KCNMB2: variants seen among roughly 807,000 people sequenced by gnomAD.
KCNMB2 encodes calcium-activated potassium channel subunit beta-2.
In KCNMB2, 9 loss-of-function variants were observed where a neutral mutation model predicts 24.5. The observed-to-expected ratio is 0.37, with a 90% CI of 0.22 to 0.64. The LOEUF (loss-of-function observed/expected upper bound fraction) is 0.64, where lower values mean the gene tolerates loss of function less well. Among genes scored for constraint, KCNMB2 ranks in the 30% least tolerant of loss-of-function variants. The pLI is 0.63. For missense variants in KCNMB2, 226 were observed against 284.3 expected (o/e 0.79, Z 1.47); for synonymous variants, 109 against 104.4 (o/e 1.04, Z -0.27).
chr3:178,568,854 TG>T (rs1716655239), intron 1 of KCNMB2, among the ~76,000 whole-genome samples: 1 of 80,684 alleles, frequency 1.2e-5, no homozygotes, highest in African/African-American at 5.9e-5. Flanking sequence ...GATAGATAGA[TG>T]ATAGATAGAT....
chr3:178,676,623 A>G (rs1322627572), intron 1 of KCNMB2, among the ~76,000 whole-genome samples: 2 of 152,162 alleles, frequency 1.3e-5, no homozygotes, highest in Non-Finnish European at 2.9e-5. Context: ...ATTGTCACCC[A>G]GGTAACGATA....
intron 1 of KCNMB2, among the ~76,000 whole-genome samples, chr3:178,773,091 T>C (rs1712440113): frequency 6.6e-6 from 1 of 152,152 alleles, no homozygotes; most frequent in South Asian, 2.1e-4. Context: ...AAACCTGGCA[T>C]GGACGAGGGC....
intron 1 of KCNMB2, among the ~76,000 whole-genome samples, chr3:178,677,264 T>C (rs1277735922): frequency 6.6e-6 from 1 of 152,106 alleles, no homozygotes; most frequent in Non-Finnish European, 1.5e-5. Flanking sequence ...CCTCCTAACC[T>C]CTACATATTT....
intron 4 of KCNMB2, among the ~76,000 whole-genome samples, chr3:178,839,490 A>G (rs2108478308): frequency 1.3e-5 from 2 of 152,328 alleles, no homozygotes; most frequent in Middle Eastern, 6.8e-3. Flanking sequence ...ATCCAAAGAT[A>G]CAAGTGTGTA....
intron 1 of KCNMB2, among the ~76,000 whole-genome samples, chr3:178,737,943 T>G (rs993406249): frequency 6.6e-6 from 1 of 152,194 alleles, no homozygotes; most frequent in Non-Finnish European, 1.5e-5. Context: ...TAGCAAATAC[T>G]CAACTAGGTA....
intron 1 of KCNMB2, among the ~76,000 whole-genome samples, chr3:178,577,795 T>G (rs916032674): frequency 5.3e-5 from 8 of 151,882 alleles, no homozygotes; most frequent in African/African-American, 1.9e-4. Context: ...AAGATCAACT[T>G]GATGAAATAA....
At chr3:178,840,506 A>T (rs898972421) in intron 4 of KCNMB2, among the ~76,000 whole-genome samples, 2 of 152,220 alleles carry the variant, frequency 1.3e-5, no homozygotes, top group Non-Finnish European at 2.9e-5. Context: ...GAGGTTCTCC[A>T]TGAGGTCTCC....
At chr3:178,669,080 G>C (rs568066997) in intron 1 of KCNMB2, among the ~76,000 whole-genome samples, 38 of 152,264 alleles carry the variant, frequency 2.5e-4, no homozygotes, top group African/African-American at 8.9e-4. Flanking sequence ...ATTAAAGCCA[G>C]GACAAAAATA....
chr3:178,795,772 A>G (rs182146272), intron 1 of KCNMB2, among the ~76,000 whole-genome samples: 1 of 152,352 alleles, frequency 6.6e-6, no homozygotes, highest in East Asian at 1.9e-4. Context: ...TAGAAAACTC[A>G]TACACATAAA....
chr3:178,734,068 G>A (rs1356437361), intron 1 of KCNMB2, among the ~76,000 whole-genome samples: 3 of 151,322 alleles, frequency 2.0e-5, no homozygotes, highest in East Asian at 1.9e-4. Flanking sequence ...AGGTTGAGTA[G>A]CCCTGTGTTT....
Position 178,551,038 on chromosome 3 carries a change from A to T in KCNMB2, c.-68+14327A>T, listed in dbSNP as rs115568689. Among the ~76,000 whole-genome samples, 869 of 152,348 alleles carry T rather than the reference A, an allele frequency of 5.7e-3. 11 individuals carry two copies. The highest frequency in any genetic ancestry group is 0.02 in the African/African-American group (834 of 41,576). On this transcript the variant is annotated intron_variant, in intron 1 of 4. Transcript: ENST00000452583. ...GAGACCATTTTCCACAAAGAGGATA[A>T]GCACCAAAATCAGGTTGCAATGACA...
chr3:178,797,247 G>A (rs927544609), intron 1 of KCNMB2, among the ~76,000 whole-genome samples: 1 of 151,972 alleles, frequency 6.6e-6, no homozygotes, highest in Non-Finnish European at 1.5e-5. Flanking sequence ...ATAATAAAAA[G>A]CTTCCTGCAA....
intron 1 of KCNMB2, among the ~76,000 whole-genome samples, chr3:178,738,272 T>C (rs1281117639): frequency 6.6e-6 from 1 of 152,074 alleles, no homozygotes; most frequent in East Asian, 1.9e-4. Flanking sequence ...TTCCCACCCT[T>C]AGTCCCAGCC....
At chr3:178,697,481 T>C (rs2108335916) in intron 1 of KCNMB2, among the ~76,000 whole-genome samples, 1 of 152,350 alleles carries the variant, frequency 6.6e-6, no homozygotes, top group African/African-American at 2.4e-5. Context: ...ACACATTTCT[T>C]TTAAACCTAT....
rs79717667 is a variant in KCNMB2 at position 178,572,583 on chromosome 3, A to T, written c.-68+35872A>T. On this transcript the variant is annotated intron_variant, in intron 1 of 4. Transcript: ENST00000452583. ...GCTATCTCTACTACCTTTGAAAAAGACTTGCAATTTTGTGCATTTTGGTTG... is the reference window on the plus strand; with the variant it reads ...GCTATCTCTACTACCTTTGAAAAAGTCTTGCAATTTTGTGCATTTTGGTTG... Among the ~76,000 whole-genome samples, 219 of 152,362 alleles carry T rather than the reference A, an allele frequency of 1.4e-3. 1 individual carries two copies. Among genetic ancestry groups the T allele is most frequent in the African/African-American group, 4.9e-3 (203 of 41,592 alleles).
At chr3:178,617,613 G>C (rs1400092362) in intron 1 of KCNMB2, among the ~76,000 whole-genome samples, 11 of 151,740 alleles carry the variant, frequency 7.2e-5, no homozygotes, top group Admixed American at 7.2e-4. Flanking sequence ...CACCCAGCGA[G>C]GCGCGGTGGC....
intron 1 of KCNMB2, among the ~76,000 whole-genome samples, chr3:178,546,951 AAT>A (rs568055408): frequency 2.6e-5 from 4 of 152,236 alleles, no homozygotes; most frequent in Non-Finnish European, 4.4e-5. Flanking sequence ...TGGCCAGAAG[AAT>A]ATGTGTCTGG....
intron 1 of KCNMB2, among the ~76,000 whole-genome samples, chr3:178,733,725 C>T (rs9880163): frequency 0.49 from 73,732 of 151,918 alleles, 18,361 homozygotes; most frequent in African/African-American, 0.61. Context: ...GTGATCCACC[C>T]GCCTCGGCCC....
rs368353351 is a variant in KCNMB2, at chr3:178,688,416, A to C, written c.-67-118927A>C. Among the ~76,000 whole-genome samples the C allele has an allele frequency of 2.5e-4, 38 of 152,308 alleles. 1 individual carries two copies. The South Asian group carries it at 7.7e-3, about 31-fold the overall frequency. ...TAAATTAAATGGGGACACAATAAAT[A>C]ACTACCTTTTTAATTAAAAAACAAG... On this transcript the variant is annotated intron_variant, in intron 1 of 4. Transcript: ENST00000452583.
Sources: allele counts gnomAD v4.1 joint callset (sites outside exome capture counted in the v4.1 genomes callset), GRCh38; gene constraint gnomAD v4.1.1; transcripts MANE v1.5; gene names NCBI Gene and HGNC (gene_info 2026-07-23, HGNC 2026-07-21).